TMEM74: variants seen among roughly 807,000 people sequenced by gnomAD.
TMEM74 encodes the protein transmembrane protein 74.
In TMEM74, 13 loss-of-function variants were observed where a neutral mutation model predicts 18.1. That is an observed-to-expected ratio of 0.72 (90% CI 0.47 to 1.14). The LOEUF (loss-of-function observed/expected upper bound fraction) is 1.14. Among genes scored for constraint, TMEM74 ranks in the 50% most tolerant of loss-of-function variants. The pLI is 0.00. For missense variants in TMEM74, 372 were observed against 375.9 expected, an observed-to-expected ratio of 0.99 and a Z score of 0.09; for synonymous variants, 159 against 146.6, an observed-to-expected ratio of 1.08 and a Z score of -0.61.
At chr8:108,717,009 C>T (rs1813533146) in intron 1 of TMEM74, among the ~76,000 whole-genome samples, 1 of 151,482 alleles carries the variant, frequency 6.6e-6, no homozygotes, top group Non-Finnish European at 1.5e-5. Flanking sequence ...AACTATAAGC[C>T]AAAAATCATG....
intron 1 of TMEM74, among the ~76,000 whole-genome samples, chr8:108,764,728 A>G (rs575871248): frequency 1.3e-5 from 2 of 152,246 alleles, no homozygotes; most frequent in South Asian, 4.1e-4. Context: ...TTGAACTGCT[A>G]TTCAAGGAAG....
At chr8:108,684,296 C>T (rs1372559234) in intron 1 of TMEM74, among the ~76,000 whole-genome samples, 1 of 152,020 alleles carries the variant, frequency 6.6e-6, no homozygotes, top group Non-Finnish European at 1.5e-5. Context: ...AATAGCCATC[C>T]TAAGTGGGGT....
chr8:108,721,228 C>T (rs565654370), intron 1 of TMEM74, among the ~76,000 whole-genome samples: 5 of 152,158 alleles, frequency 3.3e-5, no homozygotes, highest in Non-Finnish European at 7.4e-5. Context: ...AGCCTTTGTG[C>T]AGCTAATGAG....
At chr8:108,652,578 T>C in intron 2 of TMEM74, 1 of 601,708 alleles carries the variant, frequency 1.7e-6, no homozygotes, top group East Asian at 2.9e-5. Context: ...ATAAGAAAAA[T>C]ATCCAGAGAA....
At chr8:108,753,899 C>T (rs189300705) in intron 1 of TMEM74, among the ~76,000 whole-genome samples, 1 of 152,158 alleles carries the variant, frequency 6.6e-6, no homozygotes, top group Admixed American at 6.6e-5. Context: ...ATGTTATTAG[C>T]TGTACCTCAC....
chr8:108,718,699 T>C (rs528890200), intron 1 of TMEM74, among the ~76,000 whole-genome samples: 8 of 152,278 alleles, frequency 5.3e-5, no homozygotes, highest in Admixed American at 2.6e-4. Context: ...TTGGTATATG[T>C]ATAAGTCACC....
At chr8:108,768,989 G>A (rs1331253284) in intron 1 of TMEM74, among the ~76,000 whole-genome samples, 1 of 152,060 alleles carries the variant, frequency 6.6e-6, no homozygotes, top group Non-Finnish European at 1.5e-5. Flanking sequence ...ATTTGGAAGA[G>A]GGAACAGCTT....
intron 1 of TMEM74, among the ~76,000 whole-genome samples, chr8:108,764,655 C>A (rs1248551555): frequency 6.6e-6 from 1 of 152,036 alleles, no homozygotes; most frequent in African/African-American, 2.4e-5. Flanking sequence ...CTTTATGCTG[C>A]GGTTGTGCAT....
At chr8:108,612,785 G>A (rs1812346034) in intron 2 of TMEM74, among the ~76,000 whole-genome samples, 1 of 152,122 alleles carries the variant, frequency 6.6e-6, no homozygotes, top group African/African-American at 2.4e-5. Context: ...CTGCATCCTG[G>A]CTCTAGTTTC....
chr8:108,691,249 A>G (rs1175184977), intron 1 of TMEM74, among the ~76,000 whole-genome samples: 1 of 152,178 alleles, frequency 6.6e-6, no homozygotes, highest in East Asian at 1.9e-4. Context: ...CCACAAGGAA[A>G]AGGTAGTTGT....
At chr8:108,711,417 C>T (rs1234801908) in intron 1 of TMEM74, among the ~76,000 whole-genome samples, 1 of 152,250 alleles carries the variant, frequency 6.6e-6, no homozygotes, top group Admixed American at 6.5e-5. Flanking sequence ...CCTACTTCAT[C>T]CCTAGGTGTT....
At chr8:108,651,693 G>A (rs1812775854) in intron 2 of TMEM74, among the ~76,000 whole-genome samples, 1 of 152,036 alleles carries the variant, frequency 6.6e-6, no homozygotes, top group African/African-American at 2.4e-5. Flanking sequence ...GGCACTGTCA[G>A]CTTATCTTCC....
At chr8:108,622,820 A>G (rs1414512747) in intron 2 of TMEM74, among the ~76,000 whole-genome samples, 1 of 152,108 alleles carries the variant, frequency 6.6e-6, no homozygotes, top group Non-Finnish European at 1.5e-5. Context: ...CATATTTCAG[A>G]ATGTCAAATT....
intron 1 of TMEM74, among the ~76,000 whole-genome samples, chr8:108,739,413 C>A (rs78565012): frequency 1.6e-3 from 237 of 152,332 alleles, no homozygotes; most frequent in African/African-American, 5.4e-3. Context: ...GACCATATGT[C>A]TCCCTTGGCT....
chr8:108,675,339 A>C (rs868442984), intron 1 of TMEM74, among the ~76,000 whole-genome samples: 2 of 152,134 alleles, frequency 1.3e-5, no homozygotes. Context: ...AAATTTTCAG[A>C]ATGTGGATGT....
chr8:108,780,293 T>A lies in TMEM74; in HGVS notation c.*3888A>T, dbSNP rs1421986062. ...GAGATATACATATAGAACACTTTTT[T>A]AACTTGACAATTAATCCAAGTAAAA... On this transcript the variant is annotated 3_prime_UTR_variant, in exon 2 of 2. Coordinates refer to ENST00000297459, the MANE Select transcript of TMEM74 (RefSeq NM_153015.3). 2.0e-5 allele frequency among the ~76,000 whole-genome samples: 3 copies of A among 152,184 alleles called. No individual in the cohort carries two copies. The highest frequency in any genetic ancestry group is 7.2e-5 in the African/African-American group (3 of 41,452).
At chr8:108,657,860 ATATATATAT>A (rs1314664563) in intron 1 of TMEM74, among the ~76,000 whole-genome samples, 2,842 of 45,512 alleles carry the variant, frequency 0.062, 283 homozygotes, top group East Asian at 0.082. Context: ...AAAAAAAAAA[ATATATATAT>A]ATATATATAT....
chr8:108,699,145 T>TTCC (rs1813309831), intron 1 of TMEM74, among the ~76,000 whole-genome samples: 1 of 68,712 alleles, frequency 1.5e-5, no homozygotes. Context: ...CCCTCCCTCT[T>TTCC]TTCCTTCCTT....
At chr8:108,700,820 C>A (rs1336459573) in intron 1 of TMEM74, among the ~76,000 whole-genome samples, 1 of 152,158 alleles carries the variant, frequency 6.6e-6, no homozygotes, top group South Asian at 2.1e-4. Flanking sequence ...ACAGCTGGAG[C>A]ATGGCAGAGC....
Sources: allele counts gnomAD v4.1 joint callset (sites outside exome capture counted in the v4.1 genomes callset), GRCh38; gene constraint gnomAD v4.1.1; transcripts MANE v1.5; gene names NCBI Gene and HGNC (gene_info 2026-07-23, HGNC 2026-07-21).